Variants in UGGT2 observed in about 807,000 individuals in gnomAD.
UGGT2 encodes UDP-glucose glycoprotein glucosyltransferase 2.
UGGT2 carries 180 observed loss-of-function variants against 192.1 expected under a neutral mutation model. The ratio of observed to expected loss-of-function variants is 0.94; its 90% confidence interval spans 0.83 to 1.06. UGGT2 has a LOEUF of 1.06. Among genes scored for constraint, UGGT2 ranks in the 50% least tolerant of loss-of-function variants. The pLI, the probability that UGGT2 is intolerant of heterozygous loss-of-function variation, is 0.00. For synonymous variants in UGGT2, 580 were observed against 591.0 expected, an observed-to-expected ratio of 0.98 and a Z score of 0.27; for missense variants, 1,849 against 1,795.7, an observed-to-expected ratio of 1.03 and a Z score of -0.54.
At chr13:96,034,680 T>G (rs2052945053) in intron 1 of UGGT2, among the ~76,000 whole-genome samples, 1 of 152,218 alleles carries the variant, frequency 6.6e-6, no homozygotes, top group East Asian at 1.9e-4. Context: ...CAGGTGCCAC[T>G]GCATTCCACC....
chr13:95,891,012 AAAC>A, intron 24 of UGGT2, 48 bp from the exon 25 acceptor site: 2 of 1,327,858 alleles, frequency 1.5e-6, no homozygotes, highest in Non-Finnish European at 2.1e-6. Context: ...AAGTTTATAC[AAAC>A]AACTAATCAT....
rs1237163736 is a variant in UGGT2, at chr13:95,801,799, A to G, written c.4542T>C (p.Asp1514=). ...CTCATATACACCAGTGCTAGAGTTC[A>G]TCATGTGTCAAAACTATAAGGGAGA... ...NKKQDTILTH[D]EL The change falls in exon 39 of 39, where the codon GAT becomes GAC. Residue 1514 remains aspartate (D), a synonymous_variant. Coordinates refer to ENST00000376747, the MANE Select transcript of UGGT2 (RefSeq NM_020121.4). 4 of 1,613,948 alleles carry G rather than the reference A, an allele frequency of 2.5e-6. No individual in the cohort carries two copies. The highest frequency in any genetic ancestry group is 1.1e-5 in the South Asian group (1 of 91,046).
At position 95,844,429 on chromosome 13, in the gene UGGT2, T is replaced by C. The variant is rs1024008615; in HGVS notation, c.4285-7227A>G. The stretch of plus-strand genomic sequence containing the variant: ...GGGGAGAAACCACATCTTAACAATA[T>C]CCAGTCTTCCAACCATGAACAAGGT... On this transcript the variant is annotated intron_variant, in intron 36 of 38. Coordinates refer to ENST00000376747, the MANE Select transcript of UGGT2 (RefSeq NM_020121.4). Among the ~76,000 whole-genome samples, 7 of 152,244 alleles carry C rather than the reference T, an allele frequency of 4.6e-5. No individual in the cohort carries two copies. The East Asian group carries it at 9.6e-4, about 21-fold the overall frequency.
intron 1 of UGGT2, among the ~76,000 whole-genome samples, chr13:96,045,690 C>G (rs2053289463): frequency 1.3e-5 from 2 of 152,136 alleles, no homozygotes; most frequent in Admixed American, 6.5e-5. Flanking sequence ...TATATACCAA[C>G]AGCGACCAAA....
rs543893751 is a variant in UGGT2, at chr13:95,834,003, C to T, written c.4402-950G>A. 6.4e-4 allele frequency among the ~76,000 whole-genome samples: 98 copies of T among 152,166 alleles called. 2 individuals carry two copies. The Middle Eastern group carries it at 0.01, about 16-fold the overall frequency. ...CCTGTTGTCTTAACCCTTTCCTCAC[C>T]AAATATTTTCAGTTGATTCATTATG... On this transcript the variant is annotated intron_variant, in intron 37 of 38. Transcript: ENST00000376747.
Position 95,894,630 on chromosome 13 carries a change from A to G in UGGT2, c.2787T>C (p.Asp929=). 1 of 1,612,072 alleles carries G rather than the reference A, an allele frequency of 6.2e-7. No homozygotes were observed. Among genetic ancestry groups the G allele is most frequent in the Non-Finnish European group, 8.5e-7 (1 of 1,178,894 alleles). ...GCTTAGGCACAGAGGACATAAGGGCATCAACTTTCATAATAAAGTCACTCA... is the reference window on the plus strand; with the variant it reads ...GCTTAGGCACAGAGGACATAAGGGCGTCAACTTTCATAATAAAGTCACTCA... ...NNMSDFIMKV[D]ALMSSVPKRA... The change falls in exon 24 of 39, where the codon GAT becomes GAC. Residue 929 remains aspartate (D), a synonymous_variant. Coordinates refer to ENST00000376747, the MANE Select transcript of UGGT2 (RefSeq NM_020121.4).
At chr13:95,880,768 A>T (rs1479126626) in intron 27 of UGGT2, among the ~76,000 whole-genome samples, 1 of 152,240 alleles carries the variant, frequency 6.6e-6, no homozygotes, top group Non-Finnish European at 1.5e-5. Flanking sequence ...AGAGTAGAAG[A>T]TGATGACCTA....
chr13:95,974,538 T>G (rs1252001217), intron 10 of UGGT2, among the ~76,000 whole-genome samples: 1 of 152,224 alleles, frequency 6.6e-6, no homozygotes, highest in African/African-American at 2.4e-5. Flanking sequence ...CAGACTGAAC[T>G]CAGCAAGTCT....
intron 38 of UGGT2, chr13:95,809,436 C>T: frequency 2.6e-6 from 1 of 382,314 alleles, no homozygotes; most frequent in South Asian, 2.1e-5. Context: ...TTTCCCTTTG[C>T]TCCTCCTTTC....
At chr13:95,820,718 T>C (rs1885422599) in intron 38 of UGGT2, among the ~76,000 whole-genome samples, 2 of 151,982 alleles carry the variant, frequency 1.3e-5, no homozygotes, top group Admixed American at 6.6e-5. Flanking sequence ...GTAGTGTACA[T>C]TGTATCTAAT....
At chr13:95,887,268 C>T (rs1007205459) in intron 26 of UGGT2, 2 of 515,644 alleles carry the variant, frequency 3.9e-6, no homozygotes, top group South Asian at 2.8e-5. Context: ...TGCAATGGTA[C>T]ATACCCTGTT....
intron 26 of UGGT2, chr13:95,887,308 G>A (rs918196292): frequency 1.9e-6 from 1 of 516,000 alleles, no homozygotes; most frequent in Non-Finnish European, 3.9e-6. Context: ...AAGGAGAACT[G>A]AATATTCCCA....
intron 8 of UGGT2, among the ~76,000 whole-genome samples, chr13:95,986,786 A>AAT (rs2051304017): frequency 6.6e-6 from 1 of 152,114 alleles, no homozygotes; most frequent in East Asian, 1.9e-4. Context: ...AAAGAGCTTT[A>AAT]AAGAGCCAAT....
intron 2 of UGGT2, among the ~76,000 whole-genome samples, chr13:96,024,115 AAAT>A (rs2052597146): frequency 6.6e-6 from 1 of 152,232 alleles, no homozygotes; most frequent in Admixed American, 6.5e-5. Flanking sequence ...CAGAAAAGTT[AAAT>A]AATATGATTG....
chr13:95,989,195 T>C (rs892556734), intron 8 of UGGT2, among the ~76,000 whole-genome samples: 1 of 152,122 alleles, frequency 6.6e-6, no homozygotes, highest in African/African-American at 2.4e-5. Context: ...GCAAATTGAA[T>C]AGTATGTGAA....
At position 96,053,355 on chromosome 13, in the gene UGGT2, C is replaced by CG. The variant is rs2139259733; in HGVS notation, c.-44_-43insC. The CG allele has an allele frequency of 6.4e-7, 1 of 1,554,018 alleles. No individual in the cohort carries two copies. The highest frequency in any genetic ancestry group is 1.2e-5 in the South Asian group (1 of 84,986). On this transcript the variant is annotated 5_prime_UTR_variant, in exon 1 of 39. Transcript: ENST00000376747. ...GCGAGTCCCTCGGACCCGGTACCCA[C>CG]AGTCTGTGGCCGCCACGCTTCGGCC...
intron 38 of UGGT2, among the ~76,000 whole-genome samples, chr13:95,830,580 T>C (rs1208886024): frequency 6.6e-6 from 1 of 152,190 alleles, no homozygotes; most frequent in Non-Finnish European, 1.5e-5. Flanking sequence ...CACAATGAGA[T>C]ACTGTCTCAC....
chr13:95,979,435 T>C (rs2051043227), intron 10 of UGGT2, among the ~76,000 whole-genome samples: 1 of 151,458 alleles, frequency 6.6e-6, no homozygotes, highest in South Asian at 2.1e-4. Context: ...GTTTCATCCC[T>C]GGCTCTTATA....
intron 5 of UGGT2, among the ~76,000 whole-genome samples, chr13:96,005,994 C>T (rs918634161): frequency 2.6e-5 from 4 of 152,150 alleles, no homozygotes; most frequent in African/African-American, 9.7e-5. Context: ...AGGGTCAAGG[C>T]TCCTACACAA....
Sources: gnomAD v4.1 joint callset for allele counts (sites outside exome capture counted in the v4.1 genomes callset) on GRCh38, gnomAD v4.1.1 for gene constraint, MANE v1.5 for transcripts, NCBI Gene and HGNC (gene_info 2026-07-23, HGNC 2026-07-21) for gene names.